NRG3: variants seen among roughly 807,000 people sequenced by gnomAD.
NRG3 encodes the protein pro-neuregulin-3, membrane-bound isoform.
In NRG3, 31 loss-of-function variants were observed where a neutral mutation model predicts 66.9. The ratio of observed to expected loss-of-function variants is 0.46; its 90% confidence interval spans 0.35 to 0.63. The LOEUF is 0.63. Among genes scored for constraint, NRG3 ranks in the 20% least tolerant of loss-of-function variants. The pLI is 0.00. For missense variants in NRG3, 910 were observed against 878.9 expected (o/e 1.04, Z -0.45); for synonymous variants, 393 against 359.4 (o/e 1.09, Z -1.06).
At chr10:82,358,211 G>A (rs191732437) in intron 1 of NRG3, among the ~76,000 whole-genome samples, 261 of 152,178 alleles carry the variant, frequency 1.7e-3, no homozygotes, top group African/African-American at 5.9e-3. Flanking sequence ...TAGAACATTT[G>A]CATTTTAATT....
At chr10:81,902,807 G>A (rs1484721132) in intron 1 of NRG3, among the ~76,000 whole-genome samples, 1 of 152,072 alleles carries the variant, frequency 6.6e-6, no homozygotes, top group African/African-American at 2.4e-5. Context: ...TGCCTCTCTA[G>A]GATTAAAATC....
At chr10:82,804,805 AG>A (rs2061209793) in intron 3 of NRG3, among the ~76,000 whole-genome samples, 1 of 152,176 alleles carries the variant, frequency 6.6e-6, no homozygotes, top group African/African-American at 2.4e-5. Context: ...CTATTTTCAG[AG>A]CCACAGAATT....
At chr10:82,311,708 A>C in intron 1 of NRG3, among the ~76,000 whole-genome samples, 1 of 152,120 alleles carries the variant, frequency 6.6e-6, no homozygotes. Context: ...GCATTAACTC[A>C]TTTAATACTC....
In NRG3 at chr10:82,606,872, G is replaced by A. The variant is rs139374094; in HGVS notation, c.954-131705G>A. Among the ~76,000 whole-genome samples, 134 of 152,266 alleles carry A rather than the reference G, an allele frequency of 8.8e-4. No individual in the cohort carries two copies. In the Middle Eastern group the frequency reaches 0.014, roughly 15 times the overall value. ...AAACCCCCACCAAGGAAGTGACTCA[G>A]CACCAAAACGTTGTTTCTTCATCTC... is the stretch of plus-strand genomic sequence containing the variant. On this transcript the variant is annotated intron_variant, in intron 2 of 8. Coordinates refer to ENST00000372141, the MANE Select transcript of NRG3 (RefSeq NM_001010848.4).
chr10:82,477,819 C>G (rs1841918870), intron 2 of NRG3, among the ~76,000 whole-genome samples: 1 of 152,076 alleles, frequency 6.6e-6, no homozygotes, highest in East Asian at 1.9e-4. Context: ...ACTCAAAAAC[C>G]TTTGAGGAAG....
chr10:82,626,256 A>T (rs2133675244), intron 2 of NRG3, among the ~76,000 whole-genome samples: 1 of 152,332 alleles, frequency 6.6e-6, no homozygotes, highest in African/African-American at 2.4e-5. Flanking sequence ...GATGGGCTTT[A>T]GCAGGTTTCT....
At chr10:82,239,894 G>C (rs1015577360) in intron 1 of NRG3, among the ~76,000 whole-genome samples, 1 of 151,844 alleles carries the variant, frequency 6.6e-6, no homozygotes, top group Non-Finnish European at 1.5e-5. Flanking sequence ...TTTTTGTATT[G>C]TATTCACAAA....
At chr10:82,044,570 T>G (rs7069484) in intron 1 of NRG3, among the ~76,000 whole-genome samples, 1 of 151,774 alleles carries the variant, frequency 6.6e-6, no homozygotes, top group African/African-American at 2.4e-5. Flanking sequence ...TAATTTTTTT[T>G]AATTTTTATT....
chr10:82,502,657 G>A (rs79146839), intron 2 of NRG3, among the ~76,000 whole-genome samples: 8,721 of 152,078 alleles, frequency 0.057, 541 homozygotes, highest in East Asian at 0.17. Context: ...AGTGACTTTC[G>A]AAGAGTTACA....
intron 3 of NRG3, among the ~76,000 whole-genome samples, chr10:82,845,639 A>G (rs1035212284): frequency 1.3e-5 from 2 of 152,228 alleles, no homozygotes; most frequent in Non-Finnish European, 2.9e-5. Flanking sequence ...AAAAACAAAC[A>G]GAAAATAAGT....
At chr10:82,680,966 A>G (rs1226157228) in intron 2 of NRG3, among the ~76,000 whole-genome samples, 1 of 152,246 alleles carries the variant, frequency 6.6e-6, no homozygotes, top group African/African-American at 2.4e-5. Context: ...GTGCTGCCAC[A>G]GGGCAGGTTT....
intron 1 of NRG3, among the ~76,000 whole-genome samples, chr10:81,961,395 T>G (rs1001341722): frequency 5.3e-5 from 8 of 152,138 alleles, no homozygotes; most frequent in Non-Finnish European, 7.4e-5. Flanking sequence ...GACAGGGAGA[T>G]CTTCTAAATC....
intron 3 of NRG3, among the ~76,000 whole-genome samples, chr10:82,812,983 G>A (rs2061553273): frequency 6.6e-6 from 1 of 152,186 alleles, no homozygotes; most frequent in East Asian, 1.9e-4. Context: ...TTTACATCTT[G>A]ACATGTTGTC....
At chr10:82,580,286 T>G (rs558411782) in intron 2 of NRG3, among the ~76,000 whole-genome samples, 2 of 152,046 alleles carry the variant, frequency 1.3e-5, no homozygotes, top group East Asian at 3.9e-4. Context: ...TTTCGAGCAG[T>G]TTTAGATTTA....
intron 2 of NRG3, among the ~76,000 whole-genome samples, chr10:82,359,486 G>A (rs1398562715): frequency 3.3e-5 from 5 of 152,202 alleles, no homozygotes; most frequent in Non-Finnish European, 5.9e-5. Context: ...GTAGAGATCA[G>A]GAAGGTGTTT....
chr10:82,727,627 C>A (rs1332564974), intron 2 of NRG3, among the ~76,000 whole-genome samples: 1 of 152,214 alleles, frequency 6.6e-6, no homozygotes, highest in African/African-American at 2.4e-5. Context: ...TCATGGAGAA[C>A]CTCTGCTAGG....
At chr10:82,211,768 T>C (rs536843938) in intron 1 of NRG3, among the ~76,000 whole-genome samples, 1 of 152,232 alleles carries the variant, frequency 6.6e-6, no homozygotes, top group Admixed American at 6.5e-5. Flanking sequence ...GCCTTCCACA[T>C]GAGAGGGCAT....
chr10:82,181,929 G>C (rs77804940), intron 1 of NRG3, among the ~76,000 whole-genome samples: 2,419 of 151,744 alleles, frequency 0.016, 68 homozygotes, highest in East Asian at 0.058. Context: ...ATGTTTAGAT[G>C]CTCTGATATT....
chr10:82,694,292 T>G (rs1777659320), intron 2 of NRG3, among the ~76,000 whole-genome samples: 1 of 152,188 alleles, frequency 6.6e-6, no homozygotes, highest in Non-Finnish European at 1.5e-5. Context: ...GACACAAAAG[T>G]TCTTCAAGTC....
Sources: allele counts gnomAD v4.1 joint callset (sites outside exome capture counted in the v4.1 genomes callset), GRCh38; gene constraint gnomAD v4.1.1; transcripts MANE v1.5; gene names NCBI Gene and HGNC (gene_info 2026-07-23, HGNC 2026-07-21).